Variants in RCAN2 observed in about 807,000 individuals in gnomAD.
RCAN2 encodes regulator of calcineurin 2.
In RCAN2, 9 loss-of-function variants were observed where a neutral mutation model predicts 23.6. That is an observed-to-expected ratio of 0.38 (90% CI 0.23 to 0.67). The LOEUF (loss-of-function observed/expected upper bound fraction) is 0.67, where lower values mean the gene tolerates loss of function less well. RCAN2 is among the 30% of genes least tolerant of loss of function. The pLI is 0.51. For missense variants in RCAN2, 273 were observed against 302.3 expected, an observed-to-expected ratio of 0.90 and a Z score of 0.72; for synonymous variants, 109 against 115.7, an observed-to-expected ratio of 0.94 and a Z score of 0.37.
At chr6:46,440,672 T>G (rs140365380) in intron 2 of RCAN2, among the ~76,000 whole-genome samples, 1 of 152,140 alleles carries the variant, frequency 6.6e-6, no homozygotes, top group African/African-American at 2.4e-5. Flanking sequence ...AAAAAGATAG[T>G]TGCTATGACT....
chr6:46,300,551 A>G (rs1254336317), intron 2 of RCAN2, among the ~76,000 whole-genome samples: 2 of 152,056 alleles, frequency 1.3e-5, no homozygotes, highest in African/African-American at 2.4e-5. Flanking sequence ...AATGGAATTA[A>G]TTTTATTTTA....
intron 2 of RCAN2, among the ~76,000 whole-genome samples, chr6:46,378,172 T>C (rs964678662): frequency 6.6e-6 from 1 of 152,226 alleles, no homozygotes; most frequent in Admixed American, 6.5e-5. Context: ...GCCTCACAGA[T>C]GCCATGGGTC....
chr6:46,305,739 T>G (rs1050940436), intron 2 of RCAN2, among the ~76,000 whole-genome samples: 2 of 151,940 alleles, frequency 1.3e-5, no homozygotes, highest in African/African-American at 4.8e-5. Flanking sequence ...TATTTCTCCA[T>G]AGACAGCTGC....
intron 2 of RCAN2, among the ~76,000 whole-genome samples, chr6:46,262,746 C>G (rs1767154512): frequency 6.6e-6 from 1 of 152,192 alleles, no homozygotes; most frequent in Non-Finnish European, 1.5e-5. Context: ...CCCCACTAAT[C>G]TCATACCTCT....
chr6:46,261,591 C>A (rs1767109506), intron 2 of RCAN2, among the ~76,000 whole-genome samples: 1 of 152,050 alleles, frequency 6.6e-6, no homozygotes, highest in Non-Finnish European at 1.5e-5. Flanking sequence ...ATATCCGGAA[C>A]CAAGTATATT....
intron 2 of RCAN2, among the ~76,000 whole-genome samples, chr6:46,455,796 G>T (rs1462747688): frequency 6.6e-6 from 1 of 150,864 alleles, no homozygotes; most frequent in African/African-American, 2.4e-5. Context: ...GGTGGAGCTG[G>T]CAGTGAGCCG....
intron 2 of RCAN2, among the ~76,000 whole-genome samples, chr6:46,406,021 T>G (rs1012832173): frequency 2.0e-5 from 3 of 152,182 alleles, no homozygotes; most frequent in Non-Finnish European, 4.4e-5. Flanking sequence ...GCTAAGTCCC[T>G]CACTGCCCGG....
intron 2 of RCAN2, among the ~76,000 whole-genome samples, chr6:46,277,888 A>G (rs777913973): frequency 5.3e-5 from 8 of 152,196 alleles, no homozygotes; most frequent in African/African-American, 1.2e-4. Context: ...ACAAAGTACT[A>G]AAAGTAGCTG....
chr6:46,479,465 T>C (rs990524416), intron 1 of RCAN2, among the ~76,000 whole-genome samples: 17 of 152,334 alleles, frequency 1.1e-4, no homozygotes, highest in Non-Finnish European at 1.5e-5. Flanking sequence ...CAGATGATGA[T>C]GTTTTCCTAA....
At chr6:46,293,448 T>G (rs1201827126) in intron 2 of RCAN2, among the ~76,000 whole-genome samples, 1 of 152,184 alleles carries the variant, frequency 6.6e-6, no homozygotes, top group Non-Finnish European at 1.5e-5. Flanking sequence ...AGCCACACAC[T>G]TTATATATAG....
At chr6:46,306,341 C>CAGCA (rs1405019052) in intron 2 of RCAN2, among the ~76,000 whole-genome samples, 1 of 152,148 alleles carries the variant, frequency 6.6e-6, no homozygotes, top group Non-Finnish European at 1.5e-5. Flanking sequence ...GATGACCCAC[C>CAGCA]AGCACTTCTA....
intron 1 of RCAN2, 48 bp downstream of exon 1, chr6:46,491,125 G>A (rs1022388408): frequency 4.6e-5 from 7 of 151,192 alleles, no homozygotes; most frequent in Non-Finnish European, 1.0e-4. Flanking sequence ...CAGCCCCGGC[G>A]GGACGGGGTG....
intron 1 of RCAN2, among the ~76,000 whole-genome samples, chr6:46,469,321 T>C (rs1018840273): frequency 6.6e-6 from 1 of 152,210 alleles, no homozygotes; most frequent in Non-Finnish European, 1.5e-5. Flanking sequence ...ACCCAGATTC[T>C]AGCCTAGAAA....
At chr6:46,339,496 C>T (rs1764238286) in intron 2 of RCAN2, among the ~76,000 whole-genome samples, 1 of 151,692 alleles carries the variant, frequency 6.6e-6, no homozygotes, top group Admixed American at 6.6e-5. Context: ...TATGAGTAGC[C>T]CAATATTGTT....
At chr6:46,379,602 C>T (rs1765567924) in intron 2 of RCAN2, among the ~76,000 whole-genome samples, 1 of 152,150 alleles carries the variant, frequency 6.6e-6, no homozygotes, top group South Asian at 2.1e-4. Flanking sequence ...AAACCATTCT[C>T]ATTTAAATGA....
intron 2 of RCAN2, among the ~76,000 whole-genome samples, chr6:46,430,657 C>T (rs151094908): frequency 6.4e-4 from 98 of 152,254 alleles, no homozygotes; most frequent in African/African-American, 2.3e-3. Flanking sequence ...TGTGGATTTT[C>T]CATAGGTGTG....
intron 2 of RCAN2, among the ~76,000 whole-genome samples, chr6:46,356,843 C>T (rs1249047471): frequency 6.6e-6 from 1 of 152,144 alleles, no homozygotes; most frequent in Admixed American, 6.5e-5. Flanking sequence ...GTCAGATGAA[C>T]ATTATATTAT....
chr6:46,425,718 T>A (rs1035261636), intron 2 of RCAN2, among the ~76,000 whole-genome samples: 3 of 151,636 alleles, frequency 2.0e-5, no homozygotes, highest in Admixed American at 6.6e-5. Flanking sequence ...CTACTTACCT[T>A]AAAAAAAACA....
At chr6:46,246,059 G>A (rs1181392743) in intron 4 of RCAN2, among the ~76,000 whole-genome samples, 1 of 152,196 alleles carries the variant, frequency 6.6e-6, no homozygotes, top group Non-Finnish European at 1.5e-5. Flanking sequence ...GCATAGAGAT[G>A]TACAAGAATG....
Sources: gnomAD v4.1 joint callset for allele counts (sites outside exome capture counted in the v4.1 genomes callset) on GRCh38, gnomAD v4.1.1 for gene constraint, MANE v1.5 for transcripts, NCBI Gene and HGNC (gene_info 2026-07-23, HGNC 2026-07-21) for gene names.